CCND3: variants seen among roughly 807,000 people sequenced by gnomAD.
CCND3 encodes the protein cyclin D3.
A neutral mutation model predicts 28.7 loss-of-function variants in CCND3; 9 were observed. That is an observed-to-expected ratio of 0.31 (90% CI 0.19 to 0.55). The LOEUF is 0.55. Among genes scored for constraint, CCND3 ranks in the 20% least tolerant of loss-of-function variants. CCND3 has a pLI of 0.93. For missense variants in CCND3, 315 were observed against 385.8 expected (o/e 0.82, Z 1.54); for synonymous variants, 164 against 163.9 (o/e 1.00, Z 0.00).
chr6:41,962,227 A>G (rs1216306098), intron 1 of CCND3, among the ~76,000 whole-genome samples: 1 of 151,992 alleles, frequency 6.6e-6, no homozygotes, highest in East Asian at 1.9e-4. Flanking sequence ...CAGCCTCCCC[A>G]GTAGCTGGGA....
chr6:41,954,989 G>C (rs1776404119), intron 1 of CCND3, among the ~76,000 whole-genome samples: 1 of 152,046 alleles, frequency 6.6e-6, no homozygotes, highest in Non-Finnish European at 1.5e-5. Context: ...CCTACCTCTG[G>C]ACTTTTTGTG....
intron 1 of CCND3, among the ~76,000 whole-genome samples, chr6:41,966,444 C>T (rs1339885589): frequency 6.6e-6 from 1 of 152,094 alleles, no homozygotes; most frequent in African/African-American, 2.4e-5. Flanking sequence ...TTCTGATGGC[C>T]CTGTTATACT....
chr6:42,027,950 TTGGTCAGGC>T (rs1763931302), intron 1 of CCND3, among the ~76,000 whole-genome samples: 1 of 152,120 alleles, frequency 6.6e-6, no homozygotes, highest in Non-Finnish European at 1.5e-5. Context: ...TTTTTCCACG[TTGGTCAGGC>T]TGGTCTCAAA....
intron 1 of CCND3, among the ~76,000 whole-genome samples, chr6:41,983,475 G>T (rs1762403096): frequency 1.3e-5 from 2 of 151,712 alleles, no homozygotes; most frequent in South Asian, 4.2e-4. Flanking sequence ...ATTTTTTGTG[G>T]TAAAACCATT....
At chr6:41,964,179 G>A (rs959074677) in intron 1 of CCND3, among the ~76,000 whole-genome samples, 2 of 152,198 alleles carry the variant, frequency 1.3e-5, no homozygotes, top group African/African-American at 4.8e-5. Context: ...CCACATACCA[G>A]GCACCCAGAG....
At chr6:42,005,387 C>T (rs1763145288) in intron 1 of CCND3, among the ~76,000 whole-genome samples, 1 of 151,570 alleles carries the variant, frequency 6.6e-6, no homozygotes, top group African/African-American at 2.4e-5. Flanking sequence ...ACTAAAAATA[C>T]AAAAATTAGT....
rs1775897502 is a variant in CCND3, at chr6:41,938,880, A to G, written c.415-1486T>C. ...CGGATTTGGACCAACTGGAGTTCTC[A>G]GAGGTCCCTTCCAACCTTGACCTTC... is the stretch of plus-strand genomic sequence containing the variant. On this transcript the variant is annotated intron_variant, in intron 2 of 4. Transcript: ENST00000372991. The surrounding 1 kb of genome is among the most constrained non-coding windows in gnomAD (Gnocchi z 4.6). 6.6e-6 allele frequency among the ~76,000 whole-genome samples: 1 copy of G among 152,132 alleles called. No homozygotes were observed. Among genetic ancestry groups the G allele is most frequent in the Non-Finnish European group, 1.5e-5 (1 of 68,018 alleles).
chr6:42,003,936 C>CT (rs1763099121), intron 1 of CCND3, among the ~76,000 whole-genome samples: 1 of 82,628 alleles, frequency 1.2e-5, no homozygotes, highest in Non-Finnish European at 2.2e-5. Flanking sequence ...GAGACCCTAT[C>CT]TCAAAAAAAA....
intron 1 of CCND3, among the ~76,000 whole-genome samples, chr6:41,963,048 G>A (rs1001604818): frequency 5.9e-5 from 9 of 152,298 alleles, no homozygotes; most frequent in Admixed American, 5.9e-4. Flanking sequence ...ACCACGCCTG[G>A]CCAAAAATAA....
intron 1 of CCND3, among the ~76,000 whole-genome samples, chr6:42,007,588 C>A (rs1763212675): frequency 6.6e-6 from 1 of 152,162 alleles, no homozygotes; most frequent in Non-Finnish European, 1.5e-5. Context: ...CCTGGCTAAG[C>A]AACCATAGTA....
chr6:42,021,265 C>G (rs1763705233), intron 1 of CCND3, among the ~76,000 whole-genome samples: 1 of 152,202 alleles, frequency 6.6e-6, no homozygotes, highest in Non-Finnish European at 1.5e-5. Context: ...ACATAATATA[C>G]AGAGAGTCTG....
chr6:41,972,238 A>AG (rs1762052816), intron 1 of CCND3, among the ~76,000 whole-genome samples: 37 of 138,994 alleles, frequency 2.7e-4, no homozygotes, highest in Admixed American at 1.5e-3. Context: ...AAAAAAAAAA[A>AG]AAAAAAGAAA....
chr6:42,013,082 A>G (rs894187466), intron 1 of CCND3, among the ~76,000 whole-genome samples: 4 of 151,976 alleles, frequency 2.6e-5, no homozygotes, highest in African/African-American at 9.7e-5. Flanking sequence ...GCAATACGGG[A>G]CCCCTAATGA....
chr6:41,997,241 T>C (rs1230881527), intron 1 of CCND3, among the ~76,000 whole-genome samples: 1 of 152,212 alleles, frequency 6.6e-6, no homozygotes, highest in African/African-American at 2.4e-5. Context: ...AAGACCCATG[T>C]CATAATGCAC....
At chr6:42,037,219 C>T (rs1047367417) in intron 1 of CCND3, among the ~76,000 whole-genome samples, 1 of 151,600 alleles carries the variant, frequency 6.6e-6, no homozygotes, top group Non-Finnish European at 1.5e-5. Flanking sequence ...GGATTACAGG[C>T]GTGAGCCACT....
intron 1 of CCND3, among the ~76,000 whole-genome samples, chr6:41,990,557 T>G (rs879686545): frequency 6.6e-6 from 1 of 151,814 alleles, no homozygotes; most frequent in Non-Finnish European, 1.5e-5. Context: ...ACCACAAAGC[T>G]GTAGTAACTA....
At chr6:41,968,415 T>C (rs535640380) in intron 1 of CCND3, among the ~76,000 whole-genome samples, 2 of 152,216 alleles carry the variant, frequency 1.3e-5, no homozygotes, top group African/African-American at 4.8e-5. Flanking sequence ...ATTATTATGA[T>C]ATGAAGATGC....
intron 1 of CCND3, among the ~76,000 whole-genome samples, chr6:42,018,681 C>T (rs911378275): frequency 1.3e-5 from 2 of 151,320 alleles, no homozygotes; most frequent in East Asian, 2.0e-4. Flanking sequence ...CACCTGAGGT[C>T]GGGAGTTCGA....
chr6:42,032,495 C>T (rs1050607177), intron 1 of CCND3, among the ~76,000 whole-genome samples: 2 of 152,246 alleles, frequency 1.3e-5, no homozygotes, highest in African/African-American at 4.8e-5. Context: ...ATTTCAATAC[C>T]TATGGCCAAT....
Sources: allele counts gnomAD v4.1 joint callset (sites outside exome capture counted in the v4.1 genomes callset), GRCh38; gene constraint gnomAD v4.1.1; non-coding constraint Gnocchi (gnomAD v3.1); transcripts MANE v1.5; gene names NCBI Gene and HGNC (gene_info 2026-07-23, HGNC 2026-07-21).